Variants in EXOC6B observed in about 807,000 individuals in gnomAD.
The protein encoded by EXOC6B is exocyst complex component 6B, also known as SEC15 homolog B.
EXOC6B carries 54 observed loss-of-function variants against 113.5 expected under a neutral mutation model. The ratio of observed to expected loss-of-function variants is 0.48; its 90% CI spans 0.38 to 0.60. EXOC6B has a LOEUF of 0.60. Among genes scored for constraint, EXOC6B ranks in the 20% least tolerant of loss-of-function variants. The pLI is 0.00. For synonymous variants in EXOC6B, 357 were observed against 339.0 expected, an observed-to-expected ratio of 1.05 and a Z score of -0.58; for missense variants, 797 against 977.5, an observed-to-expected ratio of 0.82 and a Z score of 2.46.
chr2:72,221,485 A>C (rs1370785358), intron 20 of EXOC6B, among the ~76,000 whole-genome samples: 1 of 152,048 alleles, frequency 6.6e-6, no homozygotes, highest in Non-Finnish European at 1.5e-5. Context: ...GTCCTCCCAA[A>C]TCCCCATACT....
At chr2:72,750,799 C>T (rs1681990286) in intron 1 of EXOC6B, among the ~76,000 whole-genome samples, 1 of 152,074 alleles carries the variant, frequency 6.6e-6, no homozygotes, top group Non-Finnish European at 1.5e-5. Context: ...AAATAACCAA[C>T]TGAAGCAAAG....
rs1046950966 is a variant in EXOC6B, at chr2:72,806,150, T to C, written c.113+19648A>G. Among the ~76,000 whole-genome samples, 5 of 152,268 alleles carry C rather than the reference T, an allele frequency of 3.3e-5. No individual in the cohort carries two copies. The South Asian group carries it at 6.2e-4, about 19-fold the overall frequency. On this transcript the variant is annotated intron_variant, in intron 1 of 21. Transcript: ENST00000272427. ...CACTAGGTGGTGACACAGTACCCAA[T>C]AGGTAGTTTTTCAACCCACACTCCA... is the stretch of plus-strand genomic sequence containing the variant.
intron 1 of EXOC6B, among the ~76,000 whole-genome samples, chr2:72,787,552 G>T (rs1684446756): frequency 6.6e-6 from 1 of 152,046 alleles, no homozygotes; most frequent in African/African-American, 2.4e-5. Context: ...TTCCATAAAA[G>T]ATAGCTTTAA....
chr2:72,368,270 TG>T (rs1690763816), intron 19 of EXOC6B, among the ~76,000 whole-genome samples: 1 of 152,082 alleles, frequency 6.6e-6, no homozygotes, highest in African/African-American at 2.4e-5. Context: ...CTAGAAGAAA[TG>T]GATAAATTCC....
At chr2:72,565,332 C>A in intron 7 of EXOC6B, among the ~76,000 whole-genome samples, 2 of 113,602 alleles carry the variant, frequency 1.8e-5, no homozygotes, top group Admixed American at 1.3e-4. Context: ...GCCTGAGTGA[C>A]AGAGTGAGAC....
chr2:72,449,848 C>G (rs1573146286), intron 18 of EXOC6B, among the ~76,000 whole-genome samples: 1 of 152,270 alleles, frequency 6.6e-6, no homozygotes, highest in East Asian at 1.9e-4. Flanking sequence ...TAGTCTAATA[C>G]TCTGTCCGAC....
intron 1 of EXOC6B, among the ~76,000 whole-genome samples, chr2:72,780,723 A>G (rs1034463161): frequency 7.9e-5 from 12 of 152,310 alleles, no homozygotes; most frequent in African/African-American, 2.6e-4. Context: ...TGAGTAGATG[A>G]CAGTATATGA....
intron 20 of EXOC6B, among the ~76,000 whole-genome samples, chr2:72,282,072 C>G (rs1022400913): frequency 1.3e-5 from 2 of 151,970 alleles, no homozygotes; most frequent in Admixed American, 1.3e-4. Flanking sequence ...CCCTCCTCAC[C>G]CCCTGCCAAC....
At chr2:72,757,876 A>G (rs1682518976) in intron 1 of EXOC6B, among the ~76,000 whole-genome samples, 1 of 152,018 alleles carries the variant, frequency 6.6e-6, no homozygotes. Flanking sequence ...AAACATACAT[A>G]TGGGCCAGGC....
At chr2:72,667,888 T>C (rs780939342) in intron 6 of EXOC6B, among the ~76,000 whole-genome samples, 10 of 152,312 alleles carry the variant, frequency 6.6e-5, no homozygotes, top group Non-Finnish European at 1.0e-4. Context: ...CTAGTTATAC[T>C]AAAGAGCTTC....
At chr2:72,297,718 C>G (rs1024999136) in intron 20 of EXOC6B, among the ~76,000 whole-genome samples, 1 of 151,888 alleles carries the variant, frequency 6.6e-6, no homozygotes, top group Non-Finnish European at 1.5e-5. Context: ...TTTAAATGAA[C>G]TTATTTATTT....
intron 1 of EXOC6B, among the ~76,000 whole-genome samples, chr2:72,743,081 A>T (rs923964640): frequency 1.3e-5 from 2 of 152,028 alleles, no homozygotes; most frequent in Non-Finnish European, 2.9e-5. Context: ...CTCCTAATCT[A>T]TCTCCTTCCA....
intron 1 of EXOC6B, among the ~76,000 whole-genome samples, chr2:72,777,616 A>G (rs112002163): frequency 3.9e-5 from 6 of 152,236 alleles, no homozygotes; most frequent in African/African-American, 1.4e-4. Context: ...TGGTAACTCA[A>G]ATCTATACAA....
rs563021292 is a variant in EXOC6B at position 72,729,331 on chromosome 2, A to T, written c.464+1676T>A. 3.1e-3 allele frequency among the ~76,000 whole-genome samples: 469 copies of T among 149,902 alleles called. 1 individual carries two copies. The highest frequency in any genetic ancestry group is 0.011 in the African/African-American group (445 of 40,854). ...TATATGTTTTATATATATACTATATATTTTTTTTCTTTACACATATATGAA... is the reference window on the plus strand; with the variant it reads ...TATATGTTTTATATATATACTATATTTTTTTTTTCTTTACACATATATGAA... On this transcript the variant is annotated intron_variant, in intron 5 of 21. Coordinates refer to ENST00000272427, the MANE Select transcript of EXOC6B (RefSeq NM_015189.3).
chr2:72,334,439 G>A (rs1179177408), intron 20 of EXOC6B, among the ~76,000 whole-genome samples: 1 of 152,086 alleles, frequency 6.6e-6, no homozygotes, highest in Non-Finnish European at 1.5e-5. Flanking sequence ...ACCCATGGCT[G>A]ACAACATTCT....
chr2:72,293,458 T>C (rs1417875209), intron 20 of EXOC6B, among the ~76,000 whole-genome samples: 2 of 152,158 alleles, frequency 1.3e-5, no homozygotes, highest in Non-Finnish European at 2.9e-5. Flanking sequence ...GGTAGGCTTA[T>C]GATAAACAGT....
chr2:72,418,113 C>T (rs944095545), intron 18 of EXOC6B, among the ~76,000 whole-genome samples: 1 of 152,008 alleles, frequency 6.6e-6, no homozygotes, highest in African/African-American at 2.4e-5. Flanking sequence ...TTATGGTTTT[C>T]CCTTCTGCTA....
intron 1 of EXOC6B, among the ~76,000 whole-genome samples, chr2:72,793,593 G>GA (rs925584793): frequency 6.6e-6 from 1 of 151,776 alleles, no homozygotes; most frequent in Non-Finnish European, 1.5e-5. Context: ...GAGGAGTCAG[G>GA]AAAAAAAAGA....
intron 20 of EXOC6B, among the ~76,000 whole-genome samples, chr2:72,227,272 G>A (rs1681303922): frequency 6.6e-6 from 1 of 151,928 alleles, no homozygotes; most frequent in Non-Finnish European, 1.5e-5. Flanking sequence ...GTCAAGCAAT[G>A]GAAAAACACA....
Sources: allele counts gnomAD v4.1 joint callset (sites outside exome capture counted in the v4.1 genomes callset), GRCh38; gene constraint gnomAD v4.1.1; transcripts MANE v1.5; gene names NCBI Gene and HGNC (gene_info 2026-07-23, HGNC 2026-07-21).